Variants in EYS observed in about 807,000 individuals in gnomAD.
EYS encodes EGF-like photoreceptor maintenance factor, also known as protein eyes shut homolog.
A neutral mutation model predicts 282.1 loss-of-function variants in EYS; 250 were observed. The ratio of observed to expected loss-of-function variants is 0.89; its 90% CI spans 0.80 to 0.98. The LOEUF (loss-of-function observed/expected upper bound fraction) is 0.98. Among genes scored for constraint, EYS ranks in the 50% least tolerant of loss-of-function variants. The pLI is 0.00. For synonymous variants in EYS, 1,355 were observed against 1,282.9 expected, an observed-to-expected ratio of 1.06 and a Z score of -1.20; for missense variants, 4,016 against 3,709.0, an observed-to-expected ratio of 1.08 and a Z score of -2.15.
intron 5 of EYS, among the ~76,000 whole-genome samples, chr6:65,457,342 T>C (rs1764663169): frequency 6.6e-6 from 1 of 152,046 alleles, no homozygotes; most frequent in Admixed American, 6.6e-5. Flanking sequence ...TTCTTTTTTT[T>C]TCCGTAGAGA....
At chr6:63,969,876 A>G (rs1255691228) in intron 35 of EYS, among the ~76,000 whole-genome samples, 1 of 152,016 alleles carries the variant, frequency 6.6e-6, no homozygotes, top group Non-Finnish European at 1.5e-5. Flanking sequence ...CACGTTTTTT[A>G]TTTGCTGTTT....
chr6:65,277,598 A>G (rs1768085390), intron 12 of EYS, among the ~76,000 whole-genome samples: 1 of 152,164 alleles, frequency 6.6e-6, no homozygotes, highest in Non-Finnish European at 1.5e-5. Flanking sequence ...CCTTAAGAAC[A>G]GTGAAAAATA....
intron 29 of EYS, among the ~76,000 whole-genome samples, chr6:64,345,420 T>C (rs1431984048): frequency 2.0e-5 from 3 of 152,130 alleles, no homozygotes; most frequent in Non-Finnish European, 2.9e-5. Context: ...ATCTGATCTT[T>C]GACAAACCTC....
At chr6:63,905,787 G>C (rs1773765511) in intron 35 of EYS, among the ~76,000 whole-genome samples, 1 of 152,140 alleles carries the variant, frequency 6.6e-6, no homozygotes, top group African/African-American at 2.4e-5. Flanking sequence ...AACGATCATG[G>C]CTAACCTGTA....
chr6:64,052,934 C>T (rs1770861998), intron 33 of EYS, among the ~76,000 whole-genome samples: 1 of 152,090 alleles, frequency 6.6e-6, no homozygotes, highest in Admixed American at 6.6e-5. Flanking sequence ...TTATAAATTA[C>T]CCAGTTTCAG....
chr6:64,680,366 A>G (rs1217184500), intron 22 of EYS, among the ~76,000 whole-genome samples: 1 of 152,200 alleles, frequency 6.6e-6, no homozygotes, highest in Non-Finnish European at 1.5e-5. Flanking sequence ...TACAACAAAT[A>G]AGGAAACTTT....
intron 22 of EYS, among the ~76,000 whole-genome samples, chr6:64,752,313 TAAAC>T (rs924703508): frequency 1.6e-4 from 24 of 151,956 alleles, no homozygotes; most frequent in African/African-American, 5.5e-4. Context: ...TTTTAAAAAA[TAAAC>T]AAACATAACT....
intron 18 of EYS, among the ~76,000 whole-genome samples, chr6:64,896,956 T>C (rs1293143537): frequency 6.6e-6 from 1 of 152,114 alleles, no homozygotes; most frequent in East Asian, 1.9e-4. Context: ...GCAGCCCCAC[T>C]CAGGGGCTTA....
intron 12 of EYS, among the ~76,000 whole-genome samples, chr6:65,133,610 C>T (rs1368528362): frequency 6.6e-6 from 1 of 152,012 alleles, no homozygotes; most frequent in African/African-American, 2.4e-5. Context: ...ACACCACATA[C>T]AAAAATCAAC....
chr6:64,796,819 T>C (rs1020861568), intron 22 of EYS, among the ~76,000 whole-genome samples: 1 of 152,160 alleles, frequency 6.6e-6, no homozygotes, highest in African/African-American at 2.4e-5. Context: ...GGTATTTTTG[T>C]GTGACACAAA....
chr6:64,506,337 A>G (rs1777204277), intron 26 of EYS, among the ~76,000 whole-genome samples: 1 of 152,216 alleles, frequency 6.6e-6, no homozygotes, highest in Non-Finnish European at 1.5e-5. Context: ...TGAAAAAGTT[A>G]AATTTAAAAA....
chr6:64,999,581 C>T (rs1771393462), intron 13 of EYS, among the ~76,000 whole-genome samples: 1 of 152,178 alleles, frequency 6.6e-6, no homozygotes, highest in Non-Finnish European at 1.5e-5. Flanking sequence ...CCAAGACCAC[C>T]CTGTCCCACC....
chr6:65,161,937 A>G (rs891939567), intron 12 of EYS, among the ~76,000 whole-genome samples: 1 of 151,188 alleles, frequency 6.6e-6, no homozygotes, highest in African/African-American at 2.4e-5. Context: ...CCGCCTCCTC[A>G]CATGGTCCAT....
chr6:63,949,610 A>G lies in EYS; in HGVS notation c.7055+34773T>C, dbSNP rs114973530. Among the ~76,000 whole-genome samples, 134 of 152,292 alleles carry G rather than the reference A, an allele frequency of 8.8e-4. 1 individual carries two copies. The highest frequency in any genetic ancestry group is 3.1e-3 in the African/African-American group (129 of 41,558). On this transcript the variant is annotated intron_variant, in intron 35 of 42. Transcript: ENST00000503581. ...TGTGTGCATAATAGATGCCATTTGT[A>G]TAACTGTCTGCTGATATGCCTCTCA... is the stretch of plus-strand genomic sequence containing the variant.
intron 12 of EYS, among the ~76,000 whole-genome samples, chr6:65,139,664 C>G (rs1764277558): frequency 6.6e-6 from 1 of 152,044 alleles, no homozygotes; most frequent in Non-Finnish European, 1.5e-5. Flanking sequence ...CTACCCATGC[C>G]CATTGGAAAT....
chr6:64,384,967 A>C (rs1772863086), intron 29 of EYS, among the ~76,000 whole-genome samples: 1 of 152,194 alleles, frequency 6.6e-6, no homozygotes, highest in Admixed American at 6.5e-5. Flanking sequence ...TAGGGGTGAG[A>C]GCATAAATGT....
At chr6:65,029,970 T>C (rs1308566361) in intron 13 of EYS, among the ~76,000 whole-genome samples, 1 of 152,016 alleles carries the variant, frequency 6.6e-6, no homozygotes, top group East Asian at 1.9e-4. Flanking sequence ...AATGCTAGCT[T>C]CAGGACACCT....
At chr6:65,336,456 T>C (rs1769993065) in intron 10 of EYS, among the ~76,000 whole-genome samples, 1 of 151,686 alleles carries the variant, frequency 6.6e-6, no homozygotes, top group Non-Finnish European at 1.5e-5. Context: ...TATATGTATG[T>C]ATATATATGT....
chr6:65,462,386 G>A (rs188347937), intron 5 of EYS, among the ~76,000 whole-genome samples: 69 of 151,966 alleles, frequency 4.5e-4, no homozygotes, highest in African/African-American at 1.6e-3. Flanking sequence ...TAATTATAAC[G>A]GTGATTACAC....
Sources: gnomAD v4.1 joint callset for allele counts (sites outside exome capture counted in the v4.1 genomes callset) on GRCh38, gnomAD v4.1.1 for gene constraint, MANE v1.5 for transcripts, NCBI Gene and HGNC (gene_info 2026-07-23, HGNC 2026-07-21) for gene names.